Variants in TEX101 observed in about 807,000 individuals in gnomAD.
TEX101 encodes the protein testis-expressed protein 101.
Under a neutral mutation model 18.1 loss-of-function variants are expected in TEX101, and 10 were observed. That is an observed-to-expected ratio of 0.55 (90% CI 0.34 to 0.94). TEX101 has a LOEUF of 0.94. Among genes scored for constraint, TEX101 ranks in the 40% least tolerant of loss-of-function variants. TEX101 has a pLI of 0.02. For missense variants in TEX101, 259 were observed against 298.9 expected (o/e 0.87, Z 0.98); for synonymous variants, 94 against 114.8 (o/e 0.82, Z 1.16).
upstream of TEX101, among the ~76,000 whole-genome samples, chr19:43,410,915 A>C (rs1970413794): frequency 6.6e-6 from 1 of 152,292 alleles, no homozygotes; most frequent in South Asian, 2.1e-4. Flanking sequence ...CCAGAGCAAA[A>C]GCTGGAGTAC....
At chr19:43,410,235 G>A (rs190172177), upstream of TEX101, among the ~76,000 whole-genome samples, 7 of 152,254 alleles carry the variant, frequency 4.6e-5, no homozygotes, top group African/African-American at 1.4e-4. Context: ...TGCTTATGCC[G>A]GCTTCACTGA....
chr19:43,408,606 G>A (rs1970391875), intron 3 of TEX101, among the ~76,000 whole-genome samples: 1 of 152,060 alleles, frequency 6.6e-6, no homozygotes, highest in Admixed American at 6.6e-5. Context: ...ACAACCACCC[G>A]TGACGCCCAC....
At chr19:43,402,405 A>G (rs1970325516) in intron 1 of TEX101, among the ~76,000 whole-genome samples, 1 of 152,228 alleles carries the variant, frequency 6.6e-6, no homozygotes, top group Admixed American at 6.5e-5. Context: ...CAGTCAAAAG[A>G]GTGCCAAACC....
upstream of TEX101, among the ~76,000 whole-genome samples, chr19:43,413,987 G>A (rs1352585976): frequency 6.6e-6 from 1 of 151,890 alleles, no homozygotes; most frequent in Non-Finnish European, 1.5e-5. Context: ...AGCCAGGCAT[G>A]GTAGCTTATG....
intron 3 of TEX101, among the ~76,000 whole-genome samples, chr19:43,408,688 T>G (rs979580214): frequency 6.6e-6 from 1 of 151,934 alleles, no homozygotes; most frequent in Non-Finnish European, 1.5e-5. Context: ...GAGAGATCTG[T>G]GCAGATCGAG....
chr19:43,416,460 G>T lies in TEX101; in HGVS notation c.296G>T (p.Gly99Val), dbSNP rs35033974. The T allele has an allele frequency of 0.11, 175,059 of 1,614,054 alleles. 10,692 individuals carry two copies. The highest frequency in any genetic ancestry group is 0.13 in the Non-Finnish European group (151,495 of 1,179,972). ...ATTGTCCAGCACTCTTCACCTCCCG[G>T]CCTGATCGTGACCTCCTACAGTAAC... is the stretch of plus-strand genomic sequence containing the variant. ...ITIVQHSSPP[G>V]LIVTSYSNYC... is the part of the protein sequence containing the mutation. Residue 99 changes from glycine to valine, a missense_variant, in exon 4 of 6, where the codon GGC (glycine) becomes GTC (valine). Transcript: ENST00000598265.
rs573956807 is a variant in TEX101 at position 43,407,979 on chromosome 19, A to C, written c.15+1460A>C. ...GCAGCAGAGTGGCTCCCTGGATGGG[A>C]TCTGTTGAAAGTTAGCCCTCCACAC... On this transcript the variant is annotated intron_variant, in intron 3 of 7. Transcript: ENST00000602198. Among the ~76,000 whole-genome samples the C allele has an allele frequency of 4.5e-3, 672 of 148,716 alleles. 12 individuals carry two copies. The South Asian group carries it at 0.062, about 14-fold the overall frequency.
At chr19:43,400,366 G>A (rs144813416), upstream of TEX101, among the ~76,000 whole-genome samples, 109 of 152,294 alleles carry the variant, frequency 7.2e-4, 1 homozygote, top group East Asian at 0.019. Flanking sequence ...AAAAAGAAAT[G>A]CTTTTCCTGA....
chr19:43,400,414 T>A (rs1970309281), upstream of TEX101, among the ~76,000 whole-genome samples: 3 of 152,250 alleles, frequency 2.0e-5, no homozygotes, highest in African/African-American at 7.2e-5. Context: ...GAAAGATTCT[T>A]GGGTTTTCGT....
the TEX101 span, among the ~76,000 whole-genome samples, chr19:43,394,828 G>T: frequency 6.6e-6 from 1 of 152,180 alleles, no homozygotes. Flanking sequence ...CAACTCTGTT[G>T]TCTAGAATTT....
At chr19:43,409,827 T>C (rs1970403238) in intron 3 of TEX101, among the ~76,000 whole-genome samples, 1 of 152,112 alleles carries the variant, frequency 6.6e-6, no homozygotes, top group African/African-American at 2.4e-5. Flanking sequence ...GAGTGTTTCC[T>C]CTATGATTAG....
In TEX101 at chr19:43,406,493, T is replaced by C. The variant is rs763124935; in HGVS notation, c.-12T>C. On this transcript the variant is annotated 5_prime_UTR_variant, in exon 3 of 8. Coordinates refer to the TEX101 transcript ENST00000602198. ...ATCGGTGGGCGGTCCCGCCTCCATC[T>C]TCAGTTCCCGCATGGGGGCGAGGCA... is the stretch of plus-strand genomic sequence containing the variant. 1.4e-5 allele frequency: 11 copies of C among 764,414 alleles called. No individual in the cohort carries two copies. In the South Asian group the frequency reaches 1.5e-4, roughly 10 times the overall value. The allele number at this position is 764,414 out of a possible 1,614,324, so 47.4% of individuals were successfully genotyped here. A position where few individuals can be genotyped will look rare whatever the true frequency, so the allele number is the denominator to read the frequency against.
intron 1 of TEX101, among the ~76,000 whole-genome samples, chr19:43,401,940 T>A (rs1189458649): frequency 6.6e-6 from 1 of 152,154 alleles, no homozygotes; most frequent in Non-Finnish European, 1.5e-5. Context: ...CAGTGCAGTA[T>A]ATTGTACAGA....
chr19:43,405,988 G>A (rs1262766255), intron 2 of TEX101, among the ~76,000 whole-genome samples: 1 of 148,180 alleles, frequency 6.7e-6, no homozygotes, highest in Non-Finnish European at 1.5e-5. Flanking sequence ...GATATTTCAT[G>A]TAATAAGAAA....
At chr19:43,388,906 C>T in the TEX101 span, among the ~76,000 whole-genome samples, 9 of 152,138 alleles carry the variant, frequency 5.9e-5, no homozygotes, top group Non-Finnish European at 8.8e-5. Context: ...CCAACCTACC[C>T]CACCTTCTCT....
At chr19:43,407,302 G>T (rs554587731) in intron 3 of TEX101, among the ~76,000 whole-genome samples, 2 of 152,200 alleles carry the variant, frequency 1.3e-5, no homozygotes, top group East Asian at 3.9e-4. Context: ...TGGCCAACAT[G>T]GTGAAACCCC....
upstream of TEX101, among the ~76,000 whole-genome samples, chr19:43,410,107 A>C (rs1970405529): frequency 6.6e-6 from 1 of 152,188 alleles, no homozygotes; most frequent in South Asian, 2.1e-4. Context: ...TAAGGTTTGC[A>C]GAAGATCTCA....
chr19:43,410,796 GCACA>G (rs771276932), upstream of TEX101, among the ~76,000 whole-genome samples: 94 of 149,698 alleles, frequency 6.3e-4, no homozygotes, highest in African/African-American at 2.2e-3. Context: ...ACAGACATGT[GCACA>G]CACAAACATG....
At chr19:43,396,209 T>C in the TEX101 span, among the ~76,000 whole-genome samples, 24 of 152,256 alleles carry the variant, frequency 1.6e-4, no homozygotes, top group East Asian at 3.5e-3. Context: ...AGTGGAGAGA[T>C]ATTTAGGTAT....
Sources: allele counts gnomAD v4.1 joint callset (sites outside exome capture counted in the v4.1 genomes callset), GRCh38; gene constraint gnomAD v4.1.1; transcripts MANE v1.5; gene names NCBI Gene and HGNC (gene_info 2026-07-23, HGNC 2026-07-21).